TLK1: variants seen among roughly 807,000 people sequenced by gnomAD.
The protein encoded by TLK1 is serine/threonine-protein kinase tousled-like 1.
A neutral mutation model predicts 105.3 loss-of-function variants in TLK1; 24 were observed. The ratio of observed to expected loss-of-function variants is 0.23; its 90% CI spans 0.17 to 0.32. The LOEUF (loss-of-function observed/expected upper bound fraction) is 0.32, where lower values mean the gene tolerates loss of function less well. TLK1 is among the 10% of genes least tolerant of loss of function. The probability of loss-of-function intolerance (pLI) is 1.00; values close to 1 mark genes in which losing one functional copy is unlikely to be tolerated. For synonymous variants in TLK1, 321 were observed against 310.4 expected (o/e 1.03, Z -0.36); for missense variants, 558 against 910.5 (o/e 0.61, Z 4.98).
chr2:171,012,131 A>T (rs975237247), intron 13 of TLK1, among the ~76,000 whole-genome samples: 3 of 151,956 alleles, frequency 2.0e-5, no homozygotes, highest in African/African-American at 7.3e-5. Context: ...CCAAAATCTG[A>T]AATGCTCCAA....
chr2:171,199,760 C>T (rs972353897), intron 1 of TLK1, among the ~76,000 whole-genome samples: 2 of 152,146 alleles, frequency 1.3e-5, no homozygotes, highest in Admixed American at 6.5e-5. Flanking sequence ...CTGAAAATTT[C>T]AGAGCCTAAT....
intron 1 of TLK1, among the ~76,000 whole-genome samples, chr2:171,118,825 G>A (rs990839935): frequency 1.3e-5 from 2 of 151,996 alleles, no homozygotes; most frequent in African/African-American, 4.8e-5. Flanking sequence ...CTCTCCTAAA[G>A]GTTAACAACT....
intron 1 of TLK1, among the ~76,000 whole-genome samples, chr2:171,213,759 G>A (rs1357684035): frequency 6.9e-6 from 1 of 144,946 alleles, no homozygotes; most frequent in Non-Finnish European, 1.5e-5. Flanking sequence ...GTCTAGTTCT[G>A]TCACCCATGC....
At position 171,011,442 on chromosome 2, in the gene TLK1, G is replaced by C; in HGVS notation, c.1347C>G (p.His449Gln). ...ATAAATATCTTTCATTTAATGTTGG[G>C]TGATCTTTGAACCTTAGAGGTGGGG... ...NNEDNSQFKD[H>Q]PTLNERYLLL... Residue 449 changes from histidine (H) to glutamine (Q), a missense_variant, in exon 14 of 21, where the codon CAC (histidine) becomes CAG (glutamine). Around this residue, in one of 5 missense-constraint regions of TLK1, gnomAD observed 218 missense variants for 492.9 expected, o/e 0.44. Coordinates refer to ENST00000431350, the MANE Select transcript of TLK1 (RefSeq NM_012290.5). The C allele has an allele frequency of 6.2e-7, 1 of 1,612,568 alleles. No individual in the cohort carries two copies. Among genetic ancestry groups the C allele is most frequent in the Non-Finnish European group, 8.5e-7 (1 of 1,179,328 alleles).
chr2:171,223,481 C>CTTTT (rs71013025), intron 1 of TLK1, among the ~76,000 whole-genome samples: 17 of 126,980 alleles, frequency 1.3e-4, no homozygotes, highest in African/African-American at 4.3e-4. Context: ...GTATTTTGCA[C>CTTTT]TTTTTTTTTT....
At chr2:171,088,226 G>C (rs2105485126) in intron 2 of TLK1, among the ~76,000 whole-genome samples, 1 of 152,282 alleles carries the variant, frequency 6.6e-6, no homozygotes, top group South Asian at 2.1e-4. Flanking sequence ...CAGCTACTCA[G>C]GAGGCTAAGG....
chr2:171,208,668 A>T lies in TLK1; in HGVS notation c.-6+22477T>A, dbSNP rs114774608. ...TATTAATCCTAGTGCTGCTAAATGT[A>T]ACAAAAGTAGAAGCAACTTAAACAT... On this transcript the variant is annotated intron_variant, in intron 1 of 20. Transcript: ENST00000521943. Among the ~76,000 whole-genome samples, 450 of 152,350 alleles carry T rather than the reference A, an allele frequency of 3.0e-3. 2 individuals are homozygous for T. Among genetic ancestry groups the T allele is most frequent in the African/African-American group, 1.0e-2 (415 of 41,586 alleles).
intron 2 of TLK1, among the ~76,000 whole-genome samples, chr2:171,089,163 T>C (rs758776319): frequency 3.3e-5 from 5 of 152,244 alleles, no homozygotes; most frequent in Non-Finnish European, 5.9e-5. Context: ...TGGCCTGGCT[T>C]TGAAATTATG....
intron 1 of TLK1, among the ~76,000 whole-genome samples, chr2:171,224,487 G>A (rs1008969068): frequency 1.3e-5 from 2 of 151,908 alleles, no homozygotes; most frequent in Non-Finnish European, 2.9e-5. Flanking sequence ...GATAGGGATT[G>A]CATTGAAACT....
chr2:171,067,241 G>A (rs888356783), intron 3 of TLK1, among the ~76,000 whole-genome samples: 3 of 148,832 alleles, frequency 2.0e-5, no homozygotes, highest in Non-Finnish European at 4.4e-5. Flanking sequence ...CTCACTGCAA[G>A]CTCTGTCTCC....
intron 12 of TLK1, among the ~76,000 whole-genome samples, chr2:171,015,546 C>T (rs1382563744): frequency 6.6e-6 from 1 of 151,052 alleles, no homozygotes; most frequent in Non-Finnish European, 1.5e-5. Context: ...GGTATCAGAG[C>T]AGATGTAAAT....
chr2:171,110,177 T>C (rs1163413559), intron 2 of TLK1, among the ~76,000 whole-genome samples: 2 of 152,090 alleles, frequency 1.3e-5, no homozygotes, highest in African/African-American at 4.8e-5. Context: ...ATCTAGAAAA[T>C]GGACTAAAAA....
chr2:171,099,999 A>C (rs574471053), intron 2 of TLK1, among the ~76,000 whole-genome samples: 1 of 152,354 alleles, frequency 6.6e-6, no homozygotes, highest in South Asian at 2.1e-4. Context: ...AAAATCTGTA[A>C]ATCGTGTATC....
intron 5 of TLK1, 143 bp downstream of exon 5, chr2:171,058,008 T>TA: frequency 1.5e-6 from 1 of 689,426 alleles, no homozygotes; most frequent in Middle Eastern, 3.1e-4. Flanking sequence ...CTAATTTTCC[T>TA]AGAAAGATAT....
chr2:171,148,890 A>AAAAAAAAAAAAATATATAT (rs1445171800), intron 1 of TLK1, among the ~76,000 whole-genome samples: 1 of 138,468 alleles, frequency 7.2e-6, no homozygotes, highest in African/African-American at 2.7e-5. Context: ...AAAAAAAAAA[A>AAAAAAAAAAAAATATATAT]ATATATATAT....
chr2:171,184,836 T>G, intron 1 of TLK1, among the ~76,000 whole-genome samples: 1 of 139,840 alleles, frequency 7.2e-6, no homozygotes, highest in East Asian at 3.2e-4. Flanking sequence ...TAATTATGGT[T>G]GTTTGTTTGT....
chr2:171,044,968 T>C (rs143093924), intron 11 of TLK1, among the ~76,000 whole-genome samples: 294 of 152,240 alleles, frequency 1.9e-3, no homozygotes, highest in African/African-American at 6.5e-3. Flanking sequence ...GACAGGCAAC[T>C]CTTTGAAGAA....
rs1683828232 is a variant in TLK1, at chr2:170,992,560, C to A, written c.*1220G>T. 1 of 152,436 alleles carries A rather than the reference C, an allele frequency of 6.6e-6. No homozygotes were observed. Among genetic ancestry groups the A allele is most frequent in the Non-Finnish European group, 1.5e-5 (1 of 67,944 alleles). The allele number at this position is 152,436 out of a possible 1,614,324, so 9.4% of individuals were successfully genotyped here. ...AGAACTTTCTAGAAATGTAGAATAA[C>A]CATGAACAAATTAAAAATCTAGTAT... On this transcript the variant is annotated 3_prime_UTR_variant, in exon 21 of 21. Coordinates refer to ENST00000431350, the MANE Select transcript of TLK1 (RefSeq NM_012290.5).
At chr2:171,217,652 A>G (rs1344910530) in intron 1 of TLK1, among the ~76,000 whole-genome samples, 1 of 152,214 alleles carries the variant, frequency 6.6e-6, no homozygotes, top group East Asian at 1.9e-4. Context: ...TTCAGACATT[A>G]ACATCTAATG....
Sources: allele counts gnomAD v4.1 joint callset (sites outside exome capture counted in the v4.1 genomes callset), GRCh38; gene constraint gnomAD v4.1.1; regional missense constraint gnomAD v4.1.1; transcripts MANE v1.5; gene names NCBI Gene and HGNC (gene_info 2026-07-23, HGNC 2026-07-21).